Variants in RELA observed in about 807,000 individuals in gnomAD.
The protein encoded by RELA is RELA proto-oncogene, NF-kB subunit.
RELA carries 14 observed loss-of-function variants against 56.7 expected under a neutral mutation model. That is an observed-to-expected ratio of 0.25 (90% CI 0.16 to 0.39). RELA has a LOEUF of 0.39. RELA is among the 10% of genes least tolerant of loss of function. The pLI, the probability that RELA is intolerant of heterozygous loss-of-function variation, is 1.00. For synonymous variants in RELA, 315 were observed against 289.7 expected (o/e 1.09, Z -0.89); for missense variants, 559 against 736.4 (o/e 0.76, Z 2.79).
Position 65,655,882 on chromosome 11 carries a change from T to C in RELA, c.931A>G (p.Ser311Gly). ...CTGAAAGGACTCTTCTTCATGATGC[T>C]CTTGAAGGTCTCATATGTCCTTTTA... is the stretch of plus-strand genomic sequence containing the variant. ...KRKRTYETFK[S>G]IMKKSPFSGP... The change falls in exon 9 of 11, where the codon AGC (serine) becomes GGC (glycine). Residue 311 changes from serine (S) to glycine (G), a missense_variant. Physicochemically the swap from Ser to Gly is moderately conservative, Grantham distance 56. Transcript: ENST00000406246. The C allele has an allele frequency of 6.2e-7, 1 of 1,614,140 alleles. No homozygotes were observed. The highest frequency in any genetic ancestry group is 8.5e-7 in the Non-Finnish European group (1 of 1,180,006).
In RELA at chr11:65,658,242, G is replaced by T. The variant is rs374516968; in HGVS notation, c.877+45C>A. On this transcript the variant is annotated intron_variant, in intron 8 of 10. Transcript: ENST00000406246. The surrounding 1 kb of genome is among the most constrained non-coding windows in gnomAD (Gnocchi z 4.5). ...CATGCAGTCTTGGCCTCTCTCTCAC[G>T]GCACAGAGCCCAGCTGCCCTGATGC... The T allele has an allele frequency of 6.9e-7, 1 of 1,450,066 alleles. No individual in the cohort carries two copies. The highest frequency in any genetic ancestry group is 2.5e-5 in the East Asian group (1 of 40,688). The allele number at this position is 1,450,066 out of a possible 1,614,324, so 89.8% of individuals were successfully genotyped here.
rs1396676251 is a variant in RELA, at chr11:65,655,950, GGGA to G, written c.878-18_878-16del. ...GTGACGATCGTCTGGGAAAGTAAGG[GGGA>G]GAAGTGGGACTTGCTCTCCTCAGGT... On this transcript the variant is annotated splice_polypyrimidine_tract_variant and intron_variant, in intron 8 of 10. Coordinates refer to ENST00000406246, the MANE Select transcript of RELA (RefSeq NM_021975.4). The G allele has an allele frequency of 6.2e-6, 10 of 1,611,840 alleles. No individual in the cohort carries two copies. The highest frequency in any genetic ancestry group is 8.5e-6 in the Non-Finnish European group (10 of 1,178,294).
Position 65,662,216 on chromosome 11 carries a change from A to T in RELA, c.8-11T>A. 6.4e-7 allele frequency: 1 copy of T among 1,560,208 alleles called. No individual in the cohort carries two copies. ...TGAGGGGGAACAGTTCTGAAAGGGGAGGGAGATCAGGGTCAGCACACACCC... is the reference window on the plus strand; with the variant it reads ...TGAGGGGGAACAGTTCTGAAAGGGGTGGGAGATCAGGGTCAGCACACACCC... On this transcript the variant is annotated splice_polypyrimidine_tract_variant and intron_variant, in intron 1 of 10. Coordinates refer to ENST00000406246, the MANE Select transcript of RELA (RefSeq NM_021975.4).
At position 65,658,324 on chromosome 11, in the gene RELA, G is replaced by T; in HGVS notation, c.840C>A (p.Leu280=). The stretch of plus-strand genomic sequence containing the variant: ...GGTACTGGAATTCCATGGGCTCACT[G>T]AGCTCCCGGTCGGAAGGCCGCCGCA... ...MQLRRPSDRE[L]SEPMEFQYLP... The change falls in exon 8 of 11, where the codon CTC becomes CTA. Residue 280 remains leucine (L), a synonymous_variant. Coordinates refer to ENST00000406246, the MANE Select transcript of RELA (RefSeq NM_021975.4). This position sits in a 1 kb window ranked among gnomAD's most constrained non-coding sequence, Gnocchi z 4.5. 1 of 1,610,088 alleles carries T rather than the reference G, an allele frequency of 6.2e-7. No individual in the cohort carries two copies. Among genetic ancestry groups the T allele is most frequent in the Non-Finnish European group, 8.5e-7 (1 of 1,178,728 alleles).
At chr11:65,656,280 C>T (rs752190972) in intron 8 of RELA, among the ~76,000 whole-genome samples, 9 of 152,300 alleles carry the variant, frequency 5.9e-5, no homozygotes, top group Admixed American at 2.6e-4. Context: ...CCAGGCCTGG[C>T]GAGAATTTCT....
At chr11:65,660,455 CT>C in intron 4 of RELA, 3 of 560,818 alleles carry the variant, frequency 5.3e-6, no homozygotes, top group South Asian at 2.2e-5. Context: ...ACCGGGGCTC[CT>C]TTTCCACTCT....
At chr11:65,661,200 TA>T (rs1856557227) in intron 4 of RELA, among the ~76,000 whole-genome samples, 2 of 152,160 alleles carry the variant, frequency 1.3e-5, no homozygotes, top group Non-Finnish European at 2.9e-5. Context: ...GCTAATTTCT[TA>T]TTTTTTGTAG....
intron 10 of RELA, 30 bp from the exon 11 acceptor site, chr11:65,655,030 C>T (rs1229142329): frequency 6.5e-7 from 1 of 1,546,126 alleles, no homozygotes; most frequent in Admixed American, 1.9e-5. Flanking sequence ...AGGCAGGGGT[C>T]AGAGAAAGCC....
At chr11:65,658,000 C>T (rs1856473218) in intron 8 of RELA, among the ~76,000 whole-genome samples, 1 of 152,180 alleles carries the variant, frequency 6.6e-6, no homozygotes, top group Non-Finnish European at 1.5e-5. Context: ...ACTTACTAGC[C>T]ACGTGAACCC....
At chr11:65,657,083 T>C (rs561559654) in intron 8 of RELA, among the ~76,000 whole-genome samples, 1 of 151,978 alleles carries the variant, frequency 6.6e-6, no homozygotes, top group Non-Finnish European at 1.5e-5. Context: ...CCAGGGACGA[T>C]ATGGTGATGT....
rs771032052 is a variant in RELA at position 65,654,926 on chromosome 11, A to C, written c.1108T>G (p.Ser370Ala). ...GCCGAGGCCTGGCTGATCTGCCCAG[A>C]AGGAAACACCATGGTGGGAAACTCA... Reference protein sequence around the residue: ...YDEFPTMVFPSGQISQASALA... With the variant: ...YDEFPTMVFPAGQISQASALA... Residue 370 changes from serine to alanine, a missense_variant, in exon 11 of 11, where the codon TCT becomes GCT. By Grantham distance (99) the Ser-to-Ala change is moderately conservative. Transcript: ENST00000406246. 5 of 1,601,980 alleles carry C rather than the reference A, an allele frequency of 3.1e-6. No homozygotes were observed. The South Asian group carries it at 5.6e-5, about 18-fold the overall frequency.
rs1356761357 is a variant in RELA, at chr11:65,661,668, T to G, written c.335+19A>C. 2 of 1,556,092 alleles carry G rather than the reference T, an allele frequency of 1.3e-6. No homozygotes were observed. Among genetic ancestry groups the G allele is most frequent in the African/African-American group, 2.7e-5 (2 of 73,308 alleles). On this transcript the variant is annotated intron_variant, in intron 4 of 10. Coordinates refer to ENST00000406246, the MANE Select transcript of RELA (RefSeq NM_021975.4). ...TCCTGTCCCCTCATGCTGGGCCTCCTAGCCTGCAGGGACCTCACCTGTGGA... is the reference window on the plus strand; with the variant it reads ...TCCTGTCCCCTCATGCTGGGCCTCCGAGCCTGCAGGGACCTCACCTGTGGA...
chr11:65,661,072 G>T lies in RELA; in HGVS notation c.335+615C>A, dbSNP rs948644185. ...AAAAAAAAAAAAAAGACAAGGTATCGCCCTGCCACCCAAGTGCAGTGGTGC... is the reference window on the plus strand; with the variant it reads ...AAAAAAAAAAAAAAGACAAGGTATCTCCCTGCCACCCAAGTGCAGTGGTGC... On this transcript the variant is annotated intron_variant, in intron 4 of 10. Transcript: ENST00000406246. Among the ~76,000 whole-genome samples, 127 of 142,112 alleles carry T rather than the reference G, an allele frequency of 8.9e-4. 1 individual carries two copies. Among genetic ancestry groups the T allele is most frequent in the African/African-American group, 2.8e-3 (107 of 38,350 alleles). The allele number at this position is 142,112 out of a possible 152,430, so 93.2% of individuals were successfully genotyped here.
intron 1 of RELA, 95 bp downstream of exon 1, chr11:65,662,731 C>A (rs1370354050): frequency 2.1e-5 from 21 of 1,009,996 alleles, no homozygotes; most frequent in Middle Eastern, 3.7e-4. Context: ...CAGCGCCCGT[C>A]GGCGCAGGAA....
At chr11:65,655,083 G>C in intron 10 of RELA, 83 bp from the exon 11 acceptor site, 3 of 1,123,142 alleles carry the variant, frequency 2.7e-6, no homozygotes, top group Non-Finnish European at 3.9e-6. Flanking sequence ...CCCTCTTCAT[G>C]GTGCTCAGGC....
intron 8 of RELA, among the ~76,000 whole-genome samples, chr11:65,657,013 T>A (rs1472677730): frequency 7.3e-6 from 1 of 137,386 alleles, no homozygotes; most frequent in African/African-American, 2.9e-5. Flanking sequence ...GCGACAAGAG[T>A]GAGACTCTGT....
intron 8 of RELA, 23 bp from the exon 9 acceptor site, chr11:65,655,958 T>TG: frequency 6.2e-7 from 1 of 1,607,754 alleles, no homozygotes; most frequent in South Asian, 1.1e-5. Flanking sequence ...GGGGGAGAAG[T>TG]GGGACTTGCT....
At position 65,662,850 on chromosome 11, in the gene RELA, C is replaced by T; in HGVS notation, c.-18G>A. On this transcript the variant is annotated 5_prime_UTR_variant, in exon 1 of 11. Coordinates refer to ENST00000406246, the MANE Select transcript of RELA (RefSeq NM_021975.4). ...CCGTCCATGGCCGGGGTCCCGGGGG[C>T]GGGGCCGGGGTCGCAGCTGGGCCCG... 2 of 1,194,142 alleles carry T rather than the reference C, an allele frequency of 1.7e-6. No homozygotes were observed. Among genetic ancestry groups the T allele is most frequent in the Non-Finnish European group, 2.1e-6 (2 of 963,624 alleles). The allele number at this position is 1,194,142 out of a possible 1,614,324, so 74.0% of individuals were successfully genotyped here. A position where few individuals can be genotyped will look rare whatever the true frequency, so the allele number is the denominator to read the frequency against.
chr11:65,659,970 C>G, intron 5 of RELA, 154 bp downstream of exon 5: 1 of 1,153,406 alleles, frequency 8.7e-7, no homozygotes, highest in Non-Finnish European at 1.3e-6. Flanking sequence ...ATGTCCCCTC[C>G]TGGGACTCAG....
Sources: gnomAD v4.1 joint callset for allele counts (sites outside exome capture counted in the v4.1 genomes callset) on GRCh38, gnomAD v4.1.1 for gene constraint, Gnocchi (gnomAD v3.1) non-coding constraint, MANE v1.5 for transcripts, NCBI Gene and HGNC (gene_info 2026-07-23, HGNC 2026-07-21) for gene names.